PTPRD: variants seen among roughly 807,000 people sequenced by gnomAD.
The protein encoded by PTPRD is receptor-type tyrosine-protein phosphatase delta.
Under a neutral mutation model 214.5 loss-of-function variants are expected in PTPRD, and 34 were observed. That is an observed-to-expected ratio of 0.16 (90% CI 0.12 to 0.21). PTPRD has a LOEUF of 0.21. PTPRD is among the 10% of genes least tolerant of loss of function. PTPRD has a pLI of 1.00. For synonymous variants in PTPRD, 1,128 were observed against 845.7 expected (o/e 1.33, Z -5.79); for missense variants, 2,545 against 2,398.7 (o/e 1.06, Z -1.27).
At chr9:8,749,214 C>T (rs889602486) in intron 11 of PTPRD, among the ~76,000 whole-genome samples, 7 of 152,244 alleles carry the variant, frequency 4.6e-5, no homozygotes, top group Non-Finnish European at 8.8e-5. Context: ...CAGAGTCTCG[C>T]TCTGTCGCCC....
At chr9:10,453,279 A>T (rs551530477) in intron 2 of PTPRD, among the ~76,000 whole-genome samples, 1 of 151,574 alleles carries the variant, frequency 6.6e-6, no homozygotes, top group Non-Finnish European at 1.5e-5. Flanking sequence ...GTTCTTTCTC[A>T]AGATTCTTTG....
chr9:9,907,922 A>G (rs549168799), intron 5 of PTPRD, among the ~76,000 whole-genome samples: 42 of 152,150 alleles, frequency 2.8e-4, no homozygotes, highest in African/African-American at 1.0e-3. Context: ...AACAGGTGTA[A>G]CAACTCACAA....
At chr9:8,989,064 C>T (rs2099356319) in intron 11 of PTPRD, among the ~76,000 whole-genome samples, 2 of 151,860 alleles carry the variant, frequency 1.3e-5, no homozygotes, top group East Asian at 1.9e-4. Flanking sequence ...ATTTCAACTA[C>T]CTATGTCTCA....
intron 10 of PTPRD, among the ~76,000 whole-genome samples, chr9:9,033,175 A>T (rs1448133975): frequency 6.6e-6 from 1 of 152,170 alleles, no homozygotes; most frequent in South Asian, 2.1e-4. Flanking sequence ...TAGACATGAC[A>T]CATAATTTGG....
chr9:9,878,716 T>C (rs1018129581), intron 5 of PTPRD, among the ~76,000 whole-genome samples: 1 of 152,156 alleles, frequency 6.6e-6, no homozygotes, highest in Non-Finnish European at 1.5e-5. Flanking sequence ...AAATAGAGCA[T>C]AGGTGGATTT....
chr9:8,368,176 C>T (rs1291676985), intron 39 of PTPRD, among the ~76,000 whole-genome samples: 1 of 152,166 alleles, frequency 6.6e-6, no homozygotes, highest in African/African-American at 2.4e-5. Flanking sequence ...ATAATATACA[C>T]ATAGATCAGA....
At chr9:9,258,996 G>C (rs2099978950) in intron 9 of PTPRD, among the ~76,000 whole-genome samples, 1 of 151,538 alleles carries the variant, frequency 6.6e-6, no homozygotes, top group African/African-American at 2.4e-5. Context: ...TCTTGTGGTG[G>C]GTAGGAAAAA....
intron 11 of PTPRD, among the ~76,000 whole-genome samples, chr9:8,747,693 A>G (rs1392864737): frequency 6.6e-6 from 1 of 152,186 alleles, no homozygotes; most frequent in Non-Finnish European, 1.5e-5. Flanking sequence ...ATGGCTAGCC[A>G]CCGAAGAAGG....
intron 3 of PTPRD, among the ~76,000 whole-genome samples, chr9:10,198,534 C>G (rs1273992286): frequency 6.6e-6 from 1 of 152,038 alleles, no homozygotes; most frequent in Non-Finnish European, 1.5e-5. Flanking sequence ...AAGGCATTAG[C>G]ATTATGGGCA....
intron 3 of PTPRD, among the ~76,000 whole-genome samples, chr9:10,327,171 GTATATA>G (rs33959310): frequency 0.084 from 12,005 of 142,836 alleles, 793 homozygotes; most frequent in African/African-American, 0.18. Flanking sequence ...ATATGTGTGT[GTATATA>G]TATATATATA....
At position 9,589,312 on chromosome 9, in the gene PTPRD, G is replaced by T. The variant is rs1024176980; in HGVS notation, c.-286-14531C>A. Among the ~76,000 whole-genome samples, 7 of 151,394 alleles carry T rather than the reference G, an allele frequency of 4.6e-5. No homozygotes were observed. The South Asian group carries it at 8.3e-4, about 18-fold the overall frequency. ...CTACATAGAAAATTTAGATGTTCTT[G>T]GTTGCAGCTATTTTTTTTTTCATTT... On this transcript the variant is annotated intron_variant, in intron 7 of 45. Coordinates refer to ENST00000381196, the MANE Select transcript of PTPRD (RefSeq NM_002839.4).
At chr9:9,511,950 A>G (rs1590271164) in intron 8 of PTPRD, among the ~76,000 whole-genome samples, 1 of 151,726 alleles carries the variant, frequency 6.6e-6, no homozygotes, top group East Asian at 1.9e-4. Flanking sequence ...ATCCTTCTCT[A>G]CTAGACACAT....
intron 8 of PTPRD, among the ~76,000 whole-genome samples, chr9:9,515,285 GTTTT>G (rs1569568940): frequency 6.6e-6 from 1 of 151,908 alleles, no homozygotes; most frequent in East Asian, 1.9e-4. Context: ...ATAATATCAT[GTTTT>G]TTTATTTGTT....
At chr9:9,115,961 G>C (rs967167099) in intron 10 of PTPRD, among the ~76,000 whole-genome samples, 1 of 151,876 alleles carries the variant, frequency 6.6e-6, no homozygotes, top group African/African-American at 2.4e-5. Context: ...AAGATAATTA[G>C]CACAGGAACA....
At chr9:8,659,725 C>A (rs990392200) in intron 12 of PTPRD, among the ~76,000 whole-genome samples, 2 of 152,176 alleles carry the variant, frequency 1.3e-5, no homozygotes, top group Non-Finnish European at 2.9e-5. Context: ...GCCATTTCAT[C>A]ATTTTACAGG....
intron 4 of PTPRD, among the ~76,000 whole-genome samples, chr9:9,998,125 A>ATATATATATATATATATATAT (rs1286206158): frequency 8.2e-5 from 4 of 48,540 alleles, no homozygotes; most frequent in African/African-American, 2.8e-4. Context: ...TAAAAAAAAA[A>ATATATATATATATATATATAT]AAAAATATAT....
chr9:10,245,332 T>G (rs1490488279), intron 3 of PTPRD, among the ~76,000 whole-genome samples: 1 of 152,212 alleles, frequency 6.6e-6, no homozygotes, highest in Non-Finnish European at 1.5e-5. Context: ...ATATAGTGCG[T>G]AGGTAATCTG....
chr9:9,809,054 A>G (rs1485370767), intron 5 of PTPRD, among the ~76,000 whole-genome samples: 2 of 151,810 alleles, frequency 1.3e-5, no homozygotes, highest in East Asian at 3.9e-4. Context: ...ACAGAGACCT[A>G]GGATTACAGG....
At chr9:8,470,754 G>C (rs1258360640) in intron 31 of PTPRD, among the ~76,000 whole-genome samples, 1 of 152,118 alleles carries the variant, frequency 6.6e-6, no homozygotes, top group Non-Finnish European at 1.5e-5. Flanking sequence ...AAAATGTTAA[G>C]GCCAACAAAG....
Sources: allele counts gnomAD v4.1 joint callset (sites outside exome capture counted in the v4.1 genomes callset), GRCh38; gene constraint gnomAD v4.1.1; transcripts MANE v1.5; gene names NCBI Gene and HGNC (gene_info 2026-07-23, HGNC 2026-07-21).